Variants in KLK13 observed in about 807,000 individuals in gnomAD.
KLK13 encodes kallikrein related peptidase 13, also known as kallikrein-13.
A neutral mutation model predicts 22.4 loss-of-function variants in KLK13; 19 were observed. That is an observed-to-expected ratio of 0.85 (90% CI 0.59 to 1.24). KLK13 has a LOEUF of 1.24. Ranked by LOEUF, KLK13 falls within the 50% of genes most tolerant of loss-of-function variation. The pLI is 0.00. For synonymous variants in KLK13, 156 were observed against 141.8 expected (o/e 1.10, Z -0.71); for missense variants, 311 against 347.9 (o/e 0.89, Z 0.84).
At chr19:51,062,697 C>T (rs2091741265) in intron 1 of KLK13, among the ~76,000 whole-genome samples, 1 of 150,954 alleles carries the variant, frequency 6.6e-6, no homozygotes, top group Admixed American at 6.6e-5. Flanking sequence ...GCCTCAGTTT[C>T]CCCAGCTGTC....
chr19:51,059,676 AG>A lies in KLK13; in HGVS notation c.508+148del, dbSNP rs543648000. ...TATTCATGAATTTATATTTATATAA[AG>A]GATACAGCTAACTTTAAATATATAT... On this transcript the variant is annotated intron_variant, in intron 3 of 4. Coordinates refer to ENST00000595793, the MANE Select transcript of KLK13 (RefSeq NM_015596.3). The A allele has an allele frequency of 3.1e-4, 131 of 420,686 alleles. 2 individuals carry two copies. The highest frequency in any genetic ancestry group is 2.6e-3 in the African/African-American group (126 of 48,342). The allele number at this position is 420,686 out of a possible 1,614,324, so 26.1% of individuals were successfully genotyped here. A position where few individuals can be genotyped will look rare whatever the true frequency, so the allele number is the denominator to read the frequency against.
chr19:51,057,942 A>C (rs547618813), intron 4 of KLK13, among the ~76,000 whole-genome samples: 33 of 152,338 alleles, frequency 2.2e-4, no homozygotes, highest in African/African-American at 4.1e-4. Flanking sequence ...TGGTGGAGTG[A>C]TGGCTCAAGA....
intron 4 of KLK13, among the ~76,000 whole-genome samples, chr19:51,058,083 T>C (rs2091692049): frequency 1.3e-5 from 2 of 152,178 alleles, no homozygotes. Context: ...TGGGGCCATC[T>C]TGTCATGGGA....
intron 2 of KLK13, 126 bp from the exon 3 acceptor site, chr19:51,060,219 C>T: frequency 2.5e-6 from 3 of 1,206,954 alleles, no homozygotes; most frequent in Admixed American, 2.4e-5. Flanking sequence ...TCTCCAAATA[C>T]ATCTCCCCCA....
At position 51,055,657 on chromosome 19, in the gene KLK13, A is replaced by G. The variant is rs373506299; in HGVS notation, c.*930T>C. On this transcript the variant is annotated 3_prime_UTR_variant, in exon 5 of 5. Coordinates refer to ENST00000595793, the MANE Select transcript of KLK13 (RefSeq NM_015596.3). Reference sequence around the variant, plus strand: ...TAAATGCTTGACATTTATTCTTGTAATAATGTTACAATTAAAAAAAATTAT... The same window carrying G: ...TAAATGCTTGACATTTATTCTTGTAGTAATGTTACAATTAAAAAAAATTAT... Among the ~76,000 whole-genome samples the G allele has an allele frequency of 3.1e-4, 47 of 152,322 alleles. 7 individuals are homozygous for G. Among genetic ancestry groups the G allele is most frequent in the South Asian group, 2.7e-3 (13 of 4,822 alleles).
At position 51,061,106 on chromosome 19, in the gene KLK13, T is replaced by TATCC. The variant is rs1269618801; in HGVS notation, c.53-491_53-488dup. On this transcript the variant is annotated intron_variant, in intron 1 of 4. Coordinates refer to ENST00000595793, the MANE Select transcript of KLK13 (RefSeq NM_015596.3). Reference sequence around the variant, plus strand: ...CCATTTAGGTAGTCATCTAACCATCTATCCATCCATCCATCCATCCATCCA... The same window carrying TATCC: ...CCATTTAGGTAGTCATCTAACCATCTATCCATCCATCCATCCATCCATCCATCCA... Among the ~76,000 whole-genome samples the TATCC allele has an allele frequency of 1.3e-3, 201 of 151,768 alleles. 4 individuals are homozygous for TATCC. Among genetic ancestry groups the TATCC allele is most frequent in the African/African-American group, 3.8e-3 (156 of 41,364 alleles).
At position 51,058,793 on chromosome 19, in the gene KLK13, A is replaced by G. The variant is rs1446483227; in HGVS notation, c.509-119T>C. The G allele has an allele frequency of 9.1e-6, 9 of 994,474 alleles. No homozygotes were observed. The South Asian group carries it at 1.3e-4, about 14-fold the overall frequency. The allele number at this position is 994,474 out of a possible 1,614,324, so 61.6% of individuals were successfully genotyped here. Reference sequence around the variant, plus strand: ...AGAAAATTGAGATGGGAAGAGAAAGATGGGAGAAGAGATGAGCACCTATCT... The same window carrying G: ...AGAAAATTGAGATGGGAAGAGAAAGGTGGGAGAAGAGATGAGCACCTATCT... On this transcript the variant is annotated intron_variant, in intron 3 of 4. Coordinates refer to ENST00000595793, the MANE Select transcript of KLK13 (RefSeq NM_015596.3).
Position 51,060,000 on chromosome 19 carries a change from T to C in KLK13, c.333A>G (p.Glu111=). 1 of 1,613,738 alleles carries C rather than the reference T, an allele frequency of 6.2e-7. No homozygotes were observed. Residue 111 remains glutamate (E), a synonymous_variant, in exon 3 of 5, where the codon GAA becomes GAG. Coordinates refer to ENST00000595793, the MANE Select transcript of KLK13 (RefSeq NM_015596.3). ...TCAGGTGGGTGGGGCTTCTCCGGTATTCAGGGTGGGGGATAGAGTGGACAA... is the reference window on the plus strand; with the variant it reads ...TCAGGTGGGTGGGGCTTCTCCGGTACTCAGGGTGGGGGATAGAGTGGACAA... ...REVVHSIPHP[E]YRRSPTHLNH... is the part of the protein sequence containing the mutation.
Position 51,055,874 on chromosome 19 carries a change from GTA to G in KLK13, c.*711_*712del, listed in dbSNP as rs1767431447. The stretch of plus-strand genomic sequence containing the variant: ...AAAGTTCAGGCAAGAAGACCCTTTG[GTA>G]TACTGAACCCTATAACTCTAGAGAC... On this transcript the variant is annotated 3_prime_UTR_variant, in exon 5 of 5. Transcript: ENST00000595793. Among the ~76,000 whole-genome samples the G allele has an allele frequency of 1.3e-5, 2 of 152,182 alleles. No homozygotes were observed. The highest frequency in any genetic ancestry group is 1.3e-4 in the Admixed American group (2 of 15,270).
At chr19:51,061,879 T>TTCCTCTAG (rs2091734563) in intron 1 of KLK13, among the ~76,000 whole-genome samples, 1 of 152,210 alleles carries the variant, frequency 6.6e-6, no homozygotes, top group Non-Finnish European at 1.5e-5. Context: ...TTCTTCTGAC[T>TTCCTCTAG]TCCTCTAGTC....
At chr19:51,065,458 T>C (rs1340198261), upstream of KLK13, among the ~76,000 whole-genome samples, 1 of 152,122 alleles carries the variant, frequency 6.6e-6, no homozygotes, top group Non-Finnish European at 1.5e-5. Context: ...CAAGTTCTTA[T>C]CTGTCCGCGC....
intron 1 of KLK13, among the ~76,000 whole-genome samples, chr19:51,063,029 T>G (rs1599788666): frequency 6.6e-6 from 1 of 152,312 alleles, no homozygotes; most frequent in South Asian, 2.1e-4. Context: ...CAGCATCCAG[T>G]TCTCTTTTAA....
rs1353683940 is a variant in KLK13 at position 51,056,254 on chromosome 19, T to C, written c.*333A>G. On this transcript the variant is annotated 3_prime_UTR_variant, in exon 5 of 5. Transcript: ENST00000595793. ...GACATATATTGTTGAGATGGGCTGATGGAAATATTTAAGAATGTGCCACAG... is the reference window on the plus strand; with the variant it reads ...GACATATATTGTTGAGATGGGCTGACGGAAATATTTAAGAATGTGCCACAG... 1 of 278,788 alleles carries C rather than the reference T, an allele frequency of 3.6e-6. No homozygotes were observed. Among genetic ancestry groups the C allele is most frequent in the Non-Finnish European group, 6.8e-6 (1 of 147,046 alleles). 17.3% of individuals were successfully genotyped at this position (278,788 alleles called of 1,614,324 possible). A position where few individuals can be genotyped will look rare whatever the true frequency, so the allele number is the denominator to read the frequency against.
Position 51,056,464 on chromosome 19 carries a change from C to G in KLK13, c.*123G>C. 9.8e-7 allele frequency: 1 copy of G among 1,016,920 alleles called. No individual in the cohort carries two copies. Among genetic ancestry groups the G allele is most frequent in the Non-Finnish European group, 1.5e-6 (1 of 672,624 alleles). The allele number at this position is 1,016,920 out of a possible 1,614,324, so 63.0% of individuals were successfully genotyped here. ...ACATGGAATGTTAGCTGAGATTGAG[C>G]ATTTTTCAGGACATGGATCACTGGT... On this transcript the variant is annotated 3_prime_UTR_variant, in exon 5 of 5. Transcript: ENST00000595793.
chr19:51,061,483 T>C (rs2091730931), intron 1 of KLK13, among the ~76,000 whole-genome samples: 1 of 152,240 alleles, frequency 6.6e-6, no homozygotes, highest in Non-Finnish European at 1.5e-5. Context: ...ATCAAAACTG[T>C]TCGCTCCAGT....
Position 51,056,590 on chromosome 19 carries a change from T to C in KLK13, c.831A>G (p.Gln277=), listed in dbSNP as rs774971650. The C allele has an allele frequency of 5.0e-6, 8 of 1,614,062 alleles. No homozygotes were observed. The highest frequency in any genetic ancestry group is 2.2e-5 in the South Asian group (2 of 91,084). Residue 277 remains glutamine (Q), a synonymous_variant, in exon 5 of 5, where the codon CAA becomes CAG. Coordinates refer to ENST00000595793, the MANE Select transcript of KLK13 (RefSeq NM_015596.3). ...TQQQKWLKGP[Q] is the part of the protein sequence containing the mutation. ...AAGCCGGTACATTTCTCAACTTTTATTGTGGGCCCTTCAACCATTTTTGCT... is the reference window on the plus strand; with the variant it reads ...AAGCCGGTACATTTCTCAACTTTTACTGTGGGCCCTTCAACCATTTTTGCT...
At position 51,057,784 on chromosome 19, in the gene KLK13, C is replaced by T. The variant is rs145945654; in HGVS notation, c.645+754G>A. ...GAACTACTGTACTTGGCCATTTCCCCTTATTTTGGTAACAGCCTCTCCTGA... is the reference window on the plus strand; with the variant it reads ...GAACTACTGTACTTGGCCATTTCCCTTTATTTTGGTAACAGCCTCTCCTGA... On this transcript the variant is annotated intron_variant, in intron 4 of 4. Coordinates refer to ENST00000595793, the MANE Select transcript of KLK13 (RefSeq NM_015596.3). Among the ~76,000 whole-genome samples, 111 of 150,884 alleles carry T rather than the reference C, an allele frequency of 7.4e-4. 3 individuals carry two copies. The highest frequency in any genetic ancestry group is 2.7e-3 in the African/African-American group (110 of 40,582).
At chr19:51,064,487 CAAAAAAAAAAAAAAA>C in intron 1 of KLK13, 2 of 154,740 alleles carry the variant, frequency 1.3e-5, no homozygotes, top group Non-Finnish European at 2.4e-5. Context: ...GGTTCCATCT[CAAAAAAAAAAAAAAA>C]AAAAAAAAGG....
At chr19:51,060,979 C>A (rs192328042) in intron 1 of KLK13, among the ~76,000 whole-genome samples, 2 of 152,276 alleles carry the variant, frequency 1.3e-5, no homozygotes, top group African/African-American at 4.8e-5. Flanking sequence ...CTGACCTACA[C>A]ATCCACCTAG....
Sources: allele counts gnomAD v4.1 joint callset (sites outside exome capture counted in the v4.1 genomes callset), GRCh38; gene constraint gnomAD v4.1.1; transcripts MANE v1.5; gene names NCBI Gene and HGNC (gene_info 2026-07-23, HGNC 2026-07-21).